The following ZNF563 variants were observed in gnomAD, a reference collection of about 807,000 sequenced individuals.
The protein encoded by ZNF563 is zinc finger protein 563.
In ZNF563, 39 loss-of-function variants were observed where a neutral mutation model predicts 48.5. The ratio of observed to expected loss-of-function variants is 0.80; its 90% CI spans 0.62 to 1.05. ZNF563 has a LOEUF of 1.05. ZNF563 is among the 50% of genes least tolerant of loss of function. ZNF563 has a pLI of 0.00. For missense variants in ZNF563, 538 were observed against 597.0 expected, an observed-to-expected ratio of 0.90 and a Z score of 1.03; for synonymous variants, 168 against 187.9, an observed-to-expected ratio of 0.89 and a Z score of 0.87.
chr19:12,318,729 A>G lies in ZNF563; in HGVS notation c.1296T>C (p.His432=), dbSNP rs765333687. 4 of 1,614,088 alleles carry G rather than the reference A, an allele frequency of 2.5e-6. No homozygotes were observed. Among genetic ancestry groups the G allele is most frequent in the Non-Finnish European group, 2.5e-6 (3 of 1,180,046 alleles). The change falls in exon 4 of 4, where the codon CAT becomes CAC. Residue 432 remains histidine, a synonymous_variant. Transcript: ENST00000293725. The part of the protein sequence containing the change: ...ECKQCGKALS[H]SSSFRRHMVM... ...CCATATGTCTTCGAAAGCTTGAGCTATGAGATAACGCTTTCCCACACTGCT... is the reference window on the plus strand; with the variant it reads ...CCATATGTCTTCGAAAGCTTGAGCTGTGAGATAACGCTTTCCCACACTGCT...
rs1164047455 is a variant in ZNF563 at position 12,333,494 on chromosome 19, C to T, written c.-12G>A. ...TGCACACGCACCATTTCCCGGCTTCCGGGATGTTCCAGGGTCCTCCCTCTG... is the reference window on the plus strand; with the variant it reads ...TGCACACGCACCATTTCCCGGCTTCTGGGATGTTCCAGGGTCCTCCCTCTG... On this transcript the variant is annotated 5_prime_UTR_variant, in exon 1 of 4. Transcript: ENST00000293725. The T allele has an allele frequency of 2.5e-6, 4 of 1,613,674 alleles. No individual in the cohort carries two copies. Among genetic ancestry groups the T allele is most frequent in the South Asian group, 1.1e-5 (1 of 90,966 alleles).
At chr19:12,332,354 T>C (rs988266013) in intron 1 of ZNF563, among the ~76,000 whole-genome samples, 2 of 144,760 alleles carry the variant, frequency 1.4e-5, no homozygotes, top group East Asian at 1.9e-4. Flanking sequence ...TTTCTTTTTT[T>C]TTTTTTTTTT....
chr19:12,344,056 A>G, the ZNF563 span, among the ~76,000 whole-genome samples: 10 of 151,978 alleles, frequency 6.6e-5, no homozygotes, highest in Non-Finnish European at 1.5e-4. Context: ...TAAACAAAAT[A>G]CTGGCAAATG....
Position 12,333,555 on chromosome 19 carries a change from G to C in ZNF563, c.-73C>G, listed in dbSNP as rs950557975. 3.1e-6 allele frequency: 5 copies of C among 1,596,002 alleles called. No homozygotes were observed. The African/African-American group carries it at 5.4e-5, about 17-fold the overall frequency. On this transcript the variant is annotated 5_prime_UTR_variant, in exon 1 of 4. Transcript: ENST00000293725. ...CCAGTGCGGGTCCCACTGTGACAGA[G>C]GCTGCCACAGACGTTCCAGGGCGTC...
intron 1 of ZNF563, among the ~76,000 whole-genome samples, chr19:12,328,488 AAGAG>A (rs1402361140): frequency 6.6e-6 from 1 of 152,076 alleles, no homozygotes; most frequent in Non-Finnish European, 1.5e-5. Context: ...AAAAAGAGAA[AAGAG>A]CTGGGTGCGG....
the ZNF563 span, among the ~76,000 whole-genome samples, chr19:12,340,420 C>T: frequency 1.3e-5 from 2 of 152,232 alleles, no homozygotes; most frequent in African/African-American, 2.4e-5. Flanking sequence ...AGGACCACTT[C>T]GGCTTAGGAG....
chr19:12,333,612 G>A lies in ZNF563; in HGVS notation c.-130C>T, dbSNP rs1968977762. On this transcript the variant is annotated 5_prime_UTR_variant, in exon 1 of 4. Coordinates refer to ENST00000293725, the MANE Select transcript of ZNF563 (RefSeq NM_145276.3). ...CGACTGAGGCTACACAGACGTTCCA[G>A]GGCGTCTCTCAGCGAGCGACTGAGT... 2 of 1,376,682 alleles carry A rather than the reference G, an allele frequency of 1.5e-6. No individual in the cohort carries two copies. The highest frequency in any genetic ancestry group is 1.5e-5 in the African/African-American group (1 of 68,698). The allele number at this position is 1,376,682 out of a possible 1,614,324, so 85.3% of individuals were successfully genotyped here.
the ZNF563 span, among the ~76,000 whole-genome samples, chr19:12,338,851 TCAAAACAAAA>T: frequency 1.7e-4 from 26 of 151,650 alleles, no homozygotes; most frequent in Middle Eastern, 3.4e-3. Flanking sequence ...AGACTCCATC[TCAAAACAAAA>T]CAAAACAAAA....
At chr19:12,334,128 C>A (rs118104819), upstream of ZNF563, among the ~76,000 whole-genome samples, 3 of 152,258 alleles carry the variant, frequency 2.0e-5, no homozygotes, top group South Asian at 2.1e-4. Context: ...AGACTCTTGG[C>A]GGCAAGGTTA....
intron 1 of ZNF563, among the ~76,000 whole-genome samples, chr19:12,327,459 CAA>C (rs35937081): frequency 2.2e-4 from 16 of 71,906 alleles, no homozygotes; most frequent in East Asian, 3.6e-4. Context: ...CACTCCATCT[CAA>C]AAAAAAAAAA....
the ZNF563 span, among the ~76,000 whole-genome samples, chr19:12,341,117 C>T: frequency 0.05 from 7,651 of 152,276 alleles, 597 homozygotes; most frequent in African/African-American, 0.17. Flanking sequence ...GTGGCACAAT[C>T]TTGGCTCACC....
At position 12,324,679 on chromosome 19, in the gene ZNF563, C is replaced by T. The variant is rs536844402; in HGVS notation, c.4-1968G>A. Among the ~76,000 whole-genome samples the T allele has an allele frequency of 2.0e-3, 285 of 142,890 alleles. 2 individuals are homozygous for T. Among genetic ancestry groups the T allele is most frequent in the African/African-American group, 7.1e-3 (273 of 38,234 alleles). 93.7% of individuals were successfully genotyped at this position (142,890 alleles called of 152,430 possible). A position where few individuals can be genotyped will look rare whatever the true frequency, so the allele number is the denominator to read the frequency against. ...TTGCGGTGAGCCGAGATTGCGCTAT[C>T]GCACTTCAGCCTGGTTGACAAGAGC... is the stretch of plus-strand genomic sequence containing the variant. On this transcript the variant is annotated intron_variant, in intron 1 of 3. Coordinates refer to ENST00000293725, the MANE Select transcript of ZNF563 (RefSeq NM_145276.3).
At chr19:12,330,540 T>C (rs1968895954) in intron 1 of ZNF563, among the ~76,000 whole-genome samples, 8 of 152,158 alleles carry the variant, frequency 5.3e-5, no homozygotes. Flanking sequence ...GAGTATGGTG[T>C]TAGCAAAGTG....
the ZNF563 span, among the ~76,000 whole-genome samples, chr19:12,340,762 G>GT: frequency 1.3e-4 from 20 of 151,668 alleles, no homozygotes; most frequent in African/African-American, 4.9e-4. Context: ...GGGCGACAGA[G>GT]TAAGACTCCA....
Position 12,319,658 on chromosome 19 carries a change from T to A in ZNF563, c.367A>T (p.Arg123Ter). 2.5e-6 allele frequency: 4 copies of A among 1,614,210 alleles called. No homozygotes were observed. Among genetic ancestry groups the A allele is most frequent in the Non-Finnish European group, 3.4e-6 (4 of 1,180,050 alleles). Residue 123 changes from arginine to a stop codon, truncating the protein, a stop_gained, in exon 4 of 4, where the codon AGA (arginine) becomes TGA (stop). Coordinates refer to ENST00000293725, the MANE Select transcript of ZNF563 (RefSeq NM_145276.3). LOFTEE classifies it high-confidence loss of function. ...MGHLSLNSHI[R>*]VDSGHKPHEY... ...TGTGGTTTGTGTCCAGAATCAACTC[T>A]GATGTGGCTATTAAGGGATAAATGA...
intron 1 of ZNF563, among the ~76,000 whole-genome samples, chr19:12,323,159 G>C (rs1000828463): frequency 6.6e-6 from 1 of 152,194 alleles, no homozygotes; most frequent in Non-Finnish European, 1.5e-5. Context: ...CCCCACCAAT[G>C]TAACTAATAA....
intron 1 of ZNF563, among the ~76,000 whole-genome samples, chr19:12,327,687 A>G (rs1968827763): frequency 6.6e-6 from 1 of 152,166 alleles, no homozygotes; most frequent in Non-Finnish European, 1.5e-5. Flanking sequence ...TTTAAACAGA[A>G]AGACAGAGAT....
At chr19:12,321,473 C>T in intron 2 of ZNF563, 141 bp from the exon 3 acceptor site, 1 of 466,448 alleles carries the variant, frequency 2.1e-6, no homozygotes, top group Non-Finnish European at 3.5e-6. Flanking sequence ...GAGGCAGAGT[C>T]TCACTCTGTT....
chr19:12,323,599 C>T (rs754602102), intron 1 of ZNF563, among the ~76,000 whole-genome samples: 1 of 152,232 alleles, frequency 6.6e-6, no homozygotes, highest in Non-Finnish European at 1.5e-5. Context: ...CCAGCCTTAA[C>T]CTTGGACTTC....
Sources: allele counts gnomAD v4.1 joint callset (sites outside exome capture counted in the v4.1 genomes callset), GRCh38; gene constraint gnomAD v4.1.1; transcripts MANE v1.5; gene names NCBI Gene and HGNC (gene_info 2026-07-23, HGNC 2026-07-21).